The following PAPPA2 variants were observed in gnomAD, a reference collection of about 807,000 sequenced individuals.
PAPPA2 encodes pappalysin-2.
In PAPPA2, 86 loss-of-function variants were observed where a neutral mutation model predicts 176.4. The ratio of observed to expected loss-of-function variants is 0.49; its 90% CI spans 0.41 to 0.58. The LOEUF (loss-of-function observed/expected upper bound fraction) is 0.58. Among genes scored for constraint, PAPPA2 ranks in the 20% least tolerant of loss-of-function variants. The pLI is 0.00. For missense variants in PAPPA2, 2,073 were observed against 2,256.9 expected (o/e 0.92, Z 1.65); for synonymous variants, 809 against 852.2 (o/e 0.95, Z 0.88).
intron 1 of PAPPA2, among the ~76,000 whole-genome samples, chr1:176,551,998 TA>T (rs1449116764): frequency 7.2e-5 from 11 of 152,254 alleles, no homozygotes; most frequent in Admixed American, 5.2e-4. Flanking sequence ...TCGGATTTTG[TA>T]AAACGTGTCC....
At chr1:176,801,255 T>A (rs555249305) in intron 21 of PAPPA2, among the ~76,000 whole-genome samples, 9 of 152,144 alleles carry the variant, frequency 5.9e-5, no homozygotes, top group Admixed American at 5.2e-4. Flanking sequence ...CTTGGGTAAT[T>A]ATGGCTCCTG....
intron 21 of PAPPA2, among the ~76,000 whole-genome samples, chr1:176,837,201 C>G (rs1667305206): frequency 6.6e-6 from 1 of 152,074 alleles, no homozygotes. Context: ...AAAGCCGTGG[C>G]AAGAAAAGGC....
intron 1 of PAPPA2, among the ~76,000 whole-genome samples, chr1:176,536,917 A>G (rs896414418): frequency 6.6e-6 from 1 of 152,182 alleles, no homozygotes; most frequent in African/African-American, 2.4e-5. Flanking sequence ...ATCTCATTTA[A>G]TCAGTTCATA....
chr1:176,646,962 T>C (rs1177494122), intron 3 of PAPPA2, among the ~76,000 whole-genome samples: 1 of 151,592 alleles, frequency 6.6e-6, no homozygotes, highest in Non-Finnish European at 1.5e-5. Flanking sequence ...ATAGCTCTAT[T>C]ATTAGTTTTT....
chr1:176,525,187 T>A (rs193238530), intron 1 of PAPPA2, among the ~76,000 whole-genome samples: 1 of 152,372 alleles, frequency 6.6e-6, no homozygotes, highest in Non-Finnish European at 1.5e-5. Flanking sequence ...GTACGGTTGC[T>A]GGCAAACGGC....
At chr1:176,508,026 G>A (rs934482192) in intron 1 of PAPPA2, among the ~76,000 whole-genome samples, 1 of 152,106 alleles carries the variant, frequency 6.6e-6, no homozygotes, top group African/African-American at 2.4e-5. Context: ...CAAGACCTCA[G>A]AGAAGTCATG....
intron 12 of PAPPA2, among the ~76,000 whole-genome samples, chr1:176,719,473 G>A (rs939978755): frequency 6.6e-6 from 1 of 152,150 alleles, no homozygotes; most frequent in Non-Finnish European, 1.5e-5. Flanking sequence ...CGTGTTTCCT[G>A]TGAAGTTTGA....
At chr1:176,766,546 A>T (rs752491226) in intron 15 of PAPPA2, among the ~76,000 whole-genome samples, 1 of 152,216 alleles carries the variant, frequency 6.6e-6, no homozygotes, top group Non-Finnish European at 1.5e-5. Flanking sequence ...TTTTTAAATG[A>T]TTAGAACAGA....
intron 1 of PAPPA2, among the ~76,000 whole-genome samples, chr1:176,474,259 G>T (rs972625494): frequency 1.3e-5 from 2 of 152,096 alleles, no homozygotes; most frequent in Admixed American, 1.3e-4. Flanking sequence ...TCAGTCACTG[G>T]GCTCCTAGGT....
chr1:176,540,531 C>T (rs554138731), intron 1 of PAPPA2, among the ~76,000 whole-genome samples: 26 of 152,290 alleles, frequency 1.7e-4, no homozygotes, highest in South Asian at 1.0e-3. Context: ...CAATCCAGAG[C>T]GGTGCTAGTA....
At chr1:176,492,777 G>A (rs1207136742) in intron 1 of PAPPA2, among the ~76,000 whole-genome samples, 1 of 152,062 alleles carries the variant, frequency 6.6e-6, no homozygotes, top group Non-Finnish European at 1.5e-5. Flanking sequence ...TGAGCTTAAT[G>A]GTTTCCAAAG....
At chr1:176,795,701 T>C (rs1307139059) in intron 20 of PAPPA2, among the ~76,000 whole-genome samples, 1 of 152,198 alleles carries the variant, frequency 6.6e-6, no homozygotes, top group Non-Finnish European at 1.5e-5. Flanking sequence ...TTTTGCTTCA[T>C]AAATTCATTT....
chr1:176,597,444 T>G (rs921219381), intron 3 of PAPPA2, among the ~76,000 whole-genome samples: 1 of 152,248 alleles, frequency 6.6e-6, no homozygotes, highest in African/African-American at 2.4e-5. Context: ...CTAATCAAAT[T>G]ATCAGAACTA....
At chr1:176,481,289 CACACACACACAG>C (rs1248281814) in intron 1 of PAPPA2, among the ~76,000 whole-genome samples, 1 of 127,774 alleles carries the variant, frequency 7.8e-6, no homozygotes, top group African/African-American at 3.4e-5. Flanking sequence ...CACACACACA[CACACACACACAG>C]ACAAAGCACC....
At chr1:176,561,237 T>G (rs1273245161) in intron 2 of PAPPA2, among the ~76,000 whole-genome samples, 2 of 152,066 alleles carry the variant, frequency 1.3e-5, no homozygotes, top group African/African-American at 4.8e-5. Context: ...TAAATAAAAA[T>G]GAAAAAAGCT....
intron 3 of PAPPA2, among the ~76,000 whole-genome samples, chr1:176,622,900 C>T (rs1655674949): frequency 6.6e-6 from 1 of 152,086 alleles, no homozygotes; most frequent in South Asian, 2.1e-4. Context: ...ATCAAAGTGC[C>T]AGCGAATTCA....
chr1:176,782,020 T>C (rs1664742479), intron 17 of PAPPA2, among the ~76,000 whole-genome samples: 5 of 152,346 alleles, frequency 3.3e-5, no homozygotes, highest in Admixed American at 2.0e-4. Context: ...ATATTCTAAA[T>C]GATAAGATTT....
chr1:176,477,718 C>T (rs529793570), intron 1 of PAPPA2, among the ~76,000 whole-genome samples: 37 of 151,900 alleles, frequency 2.4e-4, no homozygotes, highest in African/African-American at 8.9e-4. Flanking sequence ...GCACTCCAGC[C>T]TGGGTGACAG....
chr1:176,655,318 T>C (rs973479574), intron 3 of PAPPA2, among the ~76,000 whole-genome samples: 4 of 151,848 alleles, frequency 2.6e-5, no homozygotes, highest in East Asian at 1.9e-4. Flanking sequence ...TCTGCATCCA[T>C]TGTGATATCG....
Sources: gnomAD v4.1 joint callset for allele counts (sites outside exome capture counted in the v4.1 genomes callset) on GRCh38, gnomAD v4.1.1 for gene constraint, MANE v1.5 for transcripts, NCBI Gene and HGNC (gene_info 2026-07-23, HGNC 2026-07-21) for gene names.